Variants in DTWD2 observed in about 807,000 individuals in gnomAD.
DTWD2 encodes the protein tRNA-uridine aminocarboxypropyltransferase 2.
DTWD2 carries 39 observed loss-of-function variants against 31.8 expected under a neutral mutation model. The ratio of observed to expected loss-of-function variants is 1.22; its 90% CI spans 0.95 to 1.60. DTWD2 has a LOEUF of 1.60. DTWD2 is among the 40% of genes most tolerant of loss of function. The pLI is 0.00. For synonymous variants in DTWD2, 180 were observed against 142.8 expected (o/e 1.26, Z -1.86); for missense variants, 515 against 381.5 (o/e 1.35, Z -2.92).
intron 4 of DTWD2, among the ~76,000 whole-genome samples, chr5:118,861,851 C>T (rs980014866): frequency 6.6e-5 from 10 of 152,130 alleles, no homozygotes; most frequent in Admixed American, 6.5e-5. Flanking sequence ...TCAATTAGAA[C>T]GACTCTGCTG....
In DTWD2 at chr5:118,862,777, T is replaced by C. The variant is rs549291443; in HGVS notation, c.598-14559A>G. 5.6e-4 allele frequency among the ~76,000 whole-genome samples: 86 copies of C among 152,274 alleles called. 1 individual carries two copies. Among genetic ancestry groups the C allele is most frequent in the Non-Finnish European group, 4.4e-5 (3 of 68,016 alleles). ...GTGGGGCTAGCCTCAGGGAATGAAC[T>C]GTAAGTACAAGCAAACTATGACTAT... is the stretch of plus-strand genomic sequence containing the variant. On this transcript the variant is annotated intron_variant, in intron 4 of 5. Coordinates refer to ENST00000510708, the MANE Select transcript of DTWD2 (RefSeq NM_173666.4).
intron 4 of DTWD2, among the ~76,000 whole-genome samples, chr5:118,862,213 T>A (rs1049485526): frequency 2.0e-5 from 3 of 152,166 alleles, no homozygotes; most frequent in East Asian, 3.8e-4. Flanking sequence ...AATAGTTTCA[T>A]CCCAAAACCA....
intron 4 of DTWD2, among the ~76,000 whole-genome samples, chr5:118,885,155 A>T (rs1053552376): frequency 1.8e-4 from 27 of 146,366 alleles, no homozygotes; most frequent in Non-Finnish European, 2.4e-4. Context: ...CAAAAAATTA[A>T]AAAAAAAAAA....
At chr5:118,947,923 T>C (rs920321914) in intron 1 of DTWD2, among the ~76,000 whole-genome samples, 5 of 152,226 alleles carry the variant, frequency 3.3e-5, no homozygotes, top group African/African-American at 1.2e-4. Context: ...TGTGGTTTTG[T>C]ATAGTTCTAA....
chr5:118,943,828 C>A (rs2149585852), intron 2 of DTWD2, among the ~76,000 whole-genome samples: 2 of 152,294 alleles, frequency 1.3e-5, no homozygotes, highest in Admixed American at 1.3e-4. Context: ...GTGATCCAGA[C>A]TTGAGAAATT....
At chr5:118,936,038 G>A (rs977640521) in intron 3 of DTWD2, among the ~76,000 whole-genome samples, 2 of 151,884 alleles carry the variant, frequency 1.3e-5, no homozygotes, top group Non-Finnish European at 2.9e-5. Context: ...AAATCACAGA[G>A]TATAAACAAA....
chr5:118,872,717 G>A (rs1043835690), intron 4 of DTWD2, among the ~76,000 whole-genome samples: 4 of 152,188 alleles, frequency 2.6e-5, no homozygotes, highest in African/African-American at 9.7e-5. Context: ...TTGAAACATT[G>A]TAAGAATTAC....
chr5:118,904,675 T>C (rs546055482), intron 4 of DTWD2, among the ~76,000 whole-genome samples: 102 of 152,064 alleles, frequency 6.7e-4, no homozygotes, highest in African/African-American at 2.3e-3. Flanking sequence ...AAGAAATTGA[T>C]AGAAGAAACA....
At position 118,980,604 on chromosome 5, in the gene DTWD2, A is replaced by G. The variant is rs146355067; in HGVS notation, c.218+7690T>C. 3.3e-5 allele frequency among the ~76,000 whole-genome samples: 5 copies of G among 152,354 alleles called. No homozygotes were observed. In the East Asian group the frequency reaches 9.6e-4, roughly 29 times the overall value. ...CAGCAAAATACAAATCAAAACCACAATGAAATATCACTTCATGCCTCCTAA... is the reference window on the plus strand; with the variant it reads ...CAGCAAAATACAAATCAAAACCACAGTGAAATATCACTTCATGCCTCCTAA... On this transcript the variant is annotated intron_variant, in intron 1 of 5. Coordinates refer to ENST00000510708, the MANE Select transcript of DTWD2 (RefSeq NM_173666.4).
At chr5:118,863,495 C>T (rs965197270) in intron 4 of DTWD2, among the ~76,000 whole-genome samples, 4 of 152,144 alleles carry the variant, frequency 2.6e-5, no homozygotes, top group Admixed American at 1.3e-4. Flanking sequence ...GAGTCAACTG[C>T]ATATCTACTG....
At chr5:118,867,426 TTATC>T (rs1431696893) in intron 4 of DTWD2, among the ~76,000 whole-genome samples, 1 of 152,158 alleles carries the variant, frequency 6.6e-6, no homozygotes, top group African/African-American at 2.4e-5. Context: ...ATAATTTACA[TTATC>T]TATCCTACAC....
intron 1 of DTWD2, among the ~76,000 whole-genome samples, chr5:118,973,261 G>A (rs1344939879): frequency 6.6e-6 from 1 of 152,082 alleles, no homozygotes; most frequent in Non-Finnish European, 1.5e-5. Context: ...TACATTGAAG[G>A]TTAACGTTGT....
At chr5:118,915,481 T>G (rs750023668) in intron 4 of DTWD2, among the ~76,000 whole-genome samples, 1 of 151,704 alleles carries the variant, frequency 6.6e-6, no homozygotes, top group Non-Finnish European at 1.5e-5. Context: ...TTCACGCCAT[T>G]CTCCTGCCTC....
intron 2 of DTWD2, among the ~76,000 whole-genome samples, chr5:118,942,964 G>C (rs1442071707): frequency 6.6e-6 from 1 of 151,934 alleles, no homozygotes; most frequent in Non-Finnish European, 1.5e-5. Context: ...CACCACACTT[G>C]GCTAATTTTT....
chr5:118,944,331 A>G (rs894036091), intron 2 of DTWD2, among the ~76,000 whole-genome samples: 1 of 152,214 alleles, frequency 6.6e-6, no homozygotes, highest in Admixed American at 6.5e-5. Context: ...AAATTTCTAT[A>G]CTATTCAATA....
chr5:118,884,945 G>A (rs999301018), intron 4 of DTWD2, among the ~76,000 whole-genome samples: 4 of 139,346 alleles, frequency 2.9e-5, no homozygotes, highest in East Asian at 2.1e-4. Flanking sequence ...GCAGTGAGCC[G>A]AGACTACGCC....
At chr5:118,854,479 T>G (rs1393471691) in intron 4 of DTWD2, among the ~76,000 whole-genome samples, 1 of 151,972 alleles carries the variant, frequency 6.6e-6, no homozygotes, top group Non-Finnish European at 1.5e-5. Context: ...ACATTATGCC[T>G]CAATTTAAAG....
chr5:118,943,330 T>A (rs974509922), intron 2 of DTWD2, among the ~76,000 whole-genome samples: 2 of 152,032 alleles, frequency 1.3e-5, no homozygotes, highest in Non-Finnish European at 2.9e-5. Flanking sequence ...GGCAGGTGGA[T>A]CATGAGATCA....
chr5:118,974,553 T>C (rs1417467036), intron 1 of DTWD2: 2 of 494,642 alleles, frequency 4.0e-6, no homozygotes, highest in East Asian at 1.1e-4. Context: ...AAAAAAACCT[T>C]GTAAAAAAAG....
Sources: allele counts gnomAD v4.1 joint callset (sites outside exome capture counted in the v4.1 genomes callset), GRCh38; gene constraint gnomAD v4.1.1; transcripts MANE v1.5; gene names NCBI Gene and HGNC (gene_info 2026-07-23, HGNC 2026-07-21).